KIF26B: variants seen among roughly 807,000 people sequenced by gnomAD.
KIF26B encodes the protein kinesin-like protein KIF26B.
Under a neutral mutation model 151.2 loss-of-function variants are expected in KIF26B, and 63 were observed. The observed-to-expected ratio is 0.42, with a 90% confidence interval of 0.34 to 0.51. The LOEUF (loss-of-function observed/expected upper bound fraction) is 0.51. Among genes scored for constraint, KIF26B ranks in the 20% least tolerant of loss-of-function variants. The pLI is 0.07. For missense variants in KIF26B, 2,813 were observed against 2,913.6 expected (o/e 0.97, Z 0.79); for synonymous variants, 1,357 against 1,262.1 (o/e 1.08, Z -1.59).
chr1:245,694,425 C>T (rs1175077721), intron 12 of KIF26B, among the ~76,000 whole-genome samples: 1 of 152,216 alleles, frequency 6.6e-6, no homozygotes, highest in Non-Finnish European at 1.5e-5. Flanking sequence ...CTGGAGGGCT[C>T]TCAGGAGCAG....
intron 2 of KIF26B, among the ~76,000 whole-genome samples, chr1:245,180,045 G>T (rs1186715047): frequency 2.0e-5 from 3 of 152,232 alleles, no homozygotes; most frequent in African/African-American, 7.2e-5. Flanking sequence ...TGTGTGCCTG[G>T]ATAATCGCTG....
chr1:245,300,949 G>GC (rs1671419407), intron 2 of KIF26B, among the ~76,000 whole-genome samples: 2 of 150,978 alleles, frequency 1.3e-5, no homozygotes, highest in Admixed American at 6.6e-5. Context: ...TCCTGCCTCA[G>GC]CCCCCCAGTA....
intron 4 of KIF26B, among the ~76,000 whole-genome samples, chr1:245,477,849 A>G (rs1660074640): frequency 6.6e-6 from 1 of 151,794 alleles, no homozygotes; most frequent in Non-Finnish European, 1.5e-5. Context: ...CTTTTTAACA[A>G]TTTAAATGTA....
At chr1:245,591,950 A>G (rs1273892747) in intron 5 of KIF26B, among the ~76,000 whole-genome samples, 1 of 151,942 alleles carries the variant, frequency 6.6e-6, no homozygotes, top group Non-Finnish European at 1.5e-5. Context: ...CCTTGGTTTC[A>G]ACTCCCTCCC....
At chr1:245,383,532 T>C (rs1242949343) in intron 3 of KIF26B, among the ~76,000 whole-genome samples, 1 of 152,204 alleles carries the variant, frequency 6.6e-6, no homozygotes, top group African/African-American at 2.4e-5. Context: ...CTCATGTAAA[T>C]AGCCTTTTTG....
chr1:245,521,255 T>G (rs1341277069), intron 4 of KIF26B, among the ~76,000 whole-genome samples: 1 of 151,474 alleles, frequency 6.6e-6, no homozygotes, highest in African/African-American at 2.4e-5. Context: ...GAGAATGGCG[T>G]GAACCCGGGA....
At chr1:245,303,267 C>T (rs1027532611) in intron 2 of KIF26B, among the ~76,000 whole-genome samples, 3 of 144,160 alleles carry the variant, frequency 2.1e-5, no homozygotes, top group Non-Finnish European at 3.0e-5. Context: ...GGCGCGATCT[C>T]GGCTCACTGC....
At chr1:245,245,738 C>G (rs1670316476) in intron 2 of KIF26B, among the ~76,000 whole-genome samples, 1 of 152,038 alleles carries the variant, frequency 6.6e-6, no homozygotes. Context: ...CAATACCAAC[C>G]TGGCCAAGAT....
At chr1:245,557,728 C>T (rs1662072938) in intron 5 of KIF26B, among the ~76,000 whole-genome samples, 1 of 152,132 alleles carries the variant, frequency 6.6e-6, no homozygotes, top group Non-Finnish European at 1.5e-5. Context: ...TTTAGGTCTC[C>T]AGCTAGGATT....
chr1:245,422,159 C>T (rs1191071566), intron 4 of KIF26B, among the ~76,000 whole-genome samples: 1 of 152,094 alleles, frequency 6.6e-6, no homozygotes, highest in Non-Finnish European at 1.5e-5. Context: ...GTGCAGTGAA[C>T]GCTGATAGTA....
intron 9 of KIF26B, among the ~76,000 whole-genome samples, chr1:245,615,299 G>A (rs2043576567): frequency 6.6e-6 from 1 of 152,204 alleles, no homozygotes; most frequent in African/African-American, 2.4e-5. Context: ...CTTGGGAGAT[G>A]GGATTATCTC....
Position 245,325,266 on chromosome 1 carries a change from C to T in KIF26B, c.466-41568C>T, listed in dbSNP as rs80307125. On this transcript the variant is annotated intron_variant, in intron 2 of 14. Coordinates refer to ENST00000407071, the MANE Select transcript of KIF26B (RefSeq NM_018012.4). ...AATTGCCAGGATTCACGATCTTGAC[C>T]TGCAAAAATAGGCAGTTTCATGTAG... Among the ~76,000 whole-genome samples the T allele has an allele frequency of 2.7e-3, 406 of 152,168 alleles. 1 individual carries two copies. The highest frequency in any genetic ancestry group is 9.1e-3 in the African/African-American group (376 of 41,510).
intron 2 of KIF26B, among the ~76,000 whole-genome samples, chr1:245,293,992 ACT>A (rs965474807): frequency 3.8e-4 from 58 of 152,076 alleles, no homozygotes; most frequent in African/African-American, 1.4e-3. Flanking sequence ...GCAAGTTAAA[ACT>A]CTGATTTTCC....
At chr1:245,350,589 G>A (rs1672547910) in intron 2 of KIF26B, among the ~76,000 whole-genome samples, 2 of 151,172 alleles carry the variant, frequency 1.3e-5, no homozygotes, top group African/African-American at 4.9e-5. Flanking sequence ...CATATGACCT[G>A]GGACCATCAA....
At chr1:245,452,891 A>G (rs1229524669) in intron 4 of KIF26B, among the ~76,000 whole-genome samples, 1 of 152,030 alleles carries the variant, frequency 6.6e-6, no homozygotes, top group Non-Finnish European at 1.5e-5. Flanking sequence ...TTGTCTTTAC[A>G]CTTTTTTGAT....
intron 3 of KIF26B, among the ~76,000 whole-genome samples, chr1:245,387,653 C>G (rs1176917077): frequency 1.3e-5 from 2 of 152,156 alleles, no homozygotes; most frequent in African/African-American, 4.8e-5. Flanking sequence ...GATCACGCCA[C>G]TGCCCTCCAG....
rs780353205 is a variant in KIF26B, at chr1:245,688,434, C to A, written c.5451C>A (p.Gly1817=). 2.9e-6 allele frequency: 4 copies of A among 1,393,212 alleles called. No individual in the cohort carries two copies. Among genetic ancestry groups the A allele is most frequent in the East Asian group, 3.0e-5 (1 of 33,302 alleles). The allele number at this position is 1,393,212 out of a possible 1,614,324, so 86.3% of individuals were successfully genotyped here. A position where few individuals can be genotyped will look rare whatever the true frequency, so the allele number is the denominator to read the frequency against. The change falls in exon 12 of 15, where the codon GGC becomes GGA. Residue 1817 remains glycine (G), a synonymous_variant. Coordinates refer to ENST00000407071, the MANE Select transcript of KIF26B (RefSeq NM_018012.4). ...CGGAGCTGCTGCAGGGTGGCGCGGG[C>A]GCCCGGGGCTTGCAGCTGCGGGCCG... The part of the protein sequence containing the change: ...RISELLQGGA[G]ARGLQLRAGP...
intron 3 of KIF26B, among the ~76,000 whole-genome samples, chr1:245,414,582 G>A (rs56262401): frequency 0.16 from 24,959 of 152,182 alleles, 2,207 homozygotes; most frequent in Non-Finnish European, 0.18. Flanking sequence ...ACCCAGGCCC[G>A]GTGCTGCGGG....
At chr1:245,443,957 C>T (rs1659184620) in intron 4 of KIF26B, among the ~76,000 whole-genome samples, 1 of 143,686 alleles carries the variant, frequency 7.0e-6, no homozygotes, top group East Asian at 2.1e-4. Context: ...CGGTCATCTC[C>T]CTCACTGTTC....
Sources: allele counts gnomAD v4.1 joint callset (sites outside exome capture counted in the v4.1 genomes callset), GRCh38; gene constraint gnomAD v4.1.1; transcripts MANE v1.5; gene names NCBI Gene and HGNC (gene_info 2026-07-23, HGNC 2026-07-21).